CFAP20DC: variants seen among roughly 807,000 people sequenced by gnomAD.
The protein encoded by CFAP20DC is CFAP20 domain containing.
Under a neutral mutation model 101.7 loss-of-function variants are expected in CFAP20DC, and 84 were observed. That is an observed-to-expected ratio of 0.83 (90% CI 0.69 to 0.99). The LOEUF is 0.99. CFAP20DC is among the 50% of genes least tolerant of loss of function. The probability of loss-of-function intolerance (pLI) is 0.00; values close to 1 mark genes in which losing one functional copy is unlikely to be tolerated. For synonymous variants in CFAP20DC, 359 were observed against 351.2 expected (o/e 1.02, Z -0.25); for missense variants, 1,007 against 970.3 (o/e 1.04, Z -0.50).
chr3:59,027,917 T>C (rs527403981), intron 4 of CFAP20DC, among the ~76,000 whole-genome samples: 26 of 152,324 alleles, frequency 1.7e-4, no homozygotes, highest in Admixed American at 1.2e-3. Context: ...GTGAAACCAT[T>C]AGACACAGTT....
At chr3:59,032,354 T>A (rs1049350110) in intron 4 of CFAP20DC, among the ~76,000 whole-genome samples, 8 of 151,782 alleles carry the variant, frequency 5.3e-5, no homozygotes, top group African/African-American at 1.9e-4. Context: ...ACAGAACCAT[T>A]CACTCCCCGG....
intron 5 of CFAP20DC, among the ~76,000 whole-genome samples, chr3:58,919,010 T>A (rs908202152): frequency 2.0e-5 from 3 of 152,186 alleles, no homozygotes; most frequent in Non-Finnish European, 4.4e-5. Flanking sequence ...TCAATTAGTT[T>A]TGACCACATC....
chr3:59,039,491 G>T (rs771406967), intron 4 of CFAP20DC, 66 bp downstream of exon 4: 3 of 926,692 alleles, frequency 3.2e-6, no homozygotes, highest in African/African-American at 3.4e-5. Context: ...ATGATTGTTG[G>T]TACTGCTTCA....
intron 14 of CFAP20DC, among the ~76,000 whole-genome samples, chr3:58,826,350 G>A (rs1462317580): frequency 6.6e-6 from 1 of 152,030 alleles, no homozygotes; most frequent in Non-Finnish European, 1.5e-5. Flanking sequence ...TGGGCAGAAT[G>A]TGTAGGTTTG....
chr3:58,960,353 G>A (rs757069232), intron 4 of CFAP20DC, among the ~76,000 whole-genome samples: 26 of 151,886 alleles, frequency 1.7e-4, no homozygotes, highest in Non-Finnish European at 3.2e-4. Flanking sequence ...TTAGCCGGGC[G>A]TGGTGGTGCA....
intron 15 of CFAP20DC, among the ~76,000 whole-genome samples, chr3:58,804,901 A>G (rs888443445): frequency 2.0e-5 from 3 of 152,204 alleles, no homozygotes; most frequent in East Asian, 3.8e-4. Flanking sequence ...GATAGTGACA[A>G]TTCACCCTAC....
At chr3:58,752,525 C>T (rs1294346502) in intron 16 of CFAP20DC, among the ~76,000 whole-genome samples, 1 of 152,114 alleles carries the variant, frequency 6.6e-6, no homozygotes, top group Non-Finnish European at 1.5e-5. Flanking sequence ...CCTTGGGTGC[C>T]TTTGCTCAAG....
intron 15 of CFAP20DC, among the ~76,000 whole-genome samples, chr3:58,802,062 A>G (rs1009390900): frequency 1.3e-5 from 2 of 152,174 alleles, no homozygotes; most frequent in African/African-American, 4.8e-5. Flanking sequence ...AGCAAGTATA[A>G]TCATCATTTG....
At position 58,863,244 on chromosome 3, in the gene CFAP20DC, T is replaced by A. The variant is rs1364767089; in HGVS notation, c.1593+314A>T. ...CAGTATATTCTCAGTGTTTTACTGG[T>A]CTTGCTATCATAGCACTAAACTGCA... On this transcript the variant is annotated intron_variant, in intron 12 of 16. Transcript: ENST00000482387. This position sits in a 1 kb window ranked among gnomAD's most constrained non-coding sequence, Gnocchi z 5.9. The A allele has an allele frequency of 7.4e-7, 1 of 1,358,782 alleles. No homozygotes were observed. 84.2% of individuals were successfully genotyped at this position (1,358,782 alleles called of 1,614,324 possible). A position where few individuals can be genotyped will look rare whatever the true frequency, so the allele number is the denominator to read the frequency against.
intron 6 of CFAP20DC, among the ~76,000 whole-genome samples, chr3:58,910,191 G>A (rs778375303): frequency 2.0e-5 from 3 of 151,908 alleles, no homozygotes; most frequent in Non-Finnish European, 4.4e-5. Context: ...TACTTTTTTG[G>A]AGCAGCTTCT....
rs1294200187 is a variant in CFAP20DC at position 59,035,419 on chromosome 3, A to G, written c.278+4138T>C. On this transcript the variant is annotated intron_variant, in intron 4 of 16. Coordinates refer to ENST00000482387, the MANE Select transcript of CFAP20DC (RefSeq NM_001394063.1). ...GACTTCAGGAGCTAGTTTTTTGAAA[A>G]GATTAACAAAATAGATAGACCACTA... Among the ~76,000 whole-genome samples the G allele has an allele frequency of 2.6e-5, 4 of 152,124 alleles. No individual in the cohort carries two copies. In the East Asian group the frequency reaches 7.7e-4, roughly 29 times the overall value.
intron 3 of CFAP20DC, among the ~76,000 whole-genome samples, chr3:58,730,885 G>C (rs1401256910): frequency 5.9e-5 from 9 of 152,086 alleles, no homozygotes; most frequent in African/African-American, 7.2e-5. Context: ...CTCTGCTAGG[G>C]GATGTTGGGT....
chr3:58,934,722 G>A (rs1393113557), intron 5 of CFAP20DC, among the ~76,000 whole-genome samples: 2 of 152,078 alleles, frequency 1.3e-5, no homozygotes, highest in African/African-American at 2.4e-5. Context: ...AAATTCAACA[G>A]CCCTTCATGC....
chr3:58,716,912 G>A (rs1277189238), downstream of CFAP20DC, among the ~76,000 whole-genome samples: 1 of 151,866 alleles, frequency 6.6e-6, no homozygotes, highest in African/African-American at 2.4e-5. Flanking sequence ...TAGGCATTGT[G>A]CCTCTTTCTT....
At chr3:58,972,132 T>C (rs2091986098) in intron 4 of CFAP20DC, among the ~76,000 whole-genome samples, 1 of 152,126 alleles carries the variant, frequency 6.6e-6, no homozygotes, top group Non-Finnish European at 1.5e-5. Context: ...AGTTCCTTTA[T>C]AATCTGGGAT....
At chr3:59,011,412 A>C (rs1442990449) in intron 4 of CFAP20DC, among the ~76,000 whole-genome samples, 1 of 151,750 alleles carries the variant, frequency 6.6e-6, no homozygotes, top group Admixed American at 6.6e-5. Context: ...AAAAAAAAAA[A>C]GTCTGAAAGA....
At chr3:59,030,949 G>C (rs369908966) in intron 4 of CFAP20DC, among the ~76,000 whole-genome samples, 4 of 151,946 alleles carry the variant, frequency 2.6e-5, no homozygotes, top group African/African-American at 9.7e-5. Flanking sequence ...TCAGCCTCCC[G>C]AGTAGCTGGG....
chr3:58,990,767 G>A (rs2092912403), intron 4 of CFAP20DC, among the ~76,000 whole-genome samples: 1 of 151,830 alleles, frequency 6.6e-6, no homozygotes, highest in South Asian at 2.1e-4. Flanking sequence ...GTGTGTGTGT[G>A]TGTGTGTGTG....
Position 58,913,926 on chromosome 3 carries a change from A to T in CFAP20DC, c.394-62T>A. On this transcript the variant is annotated intron_variant, in intron 5 of 16. Transcript: ENST00000482387. This position sits in a 1 kb window ranked among gnomAD's most constrained non-coding sequence, Gnocchi z 4.4. Reference sequence around the variant, plus strand: ...TCATCAACACATAAATGAACAAACCATCTATATGTAGACATTCAAAGAGTT... The same window carrying T: ...TCATCAACACATAAATGAACAAACCTTCTATATGTAGACATTCAAAGAGTT... The T allele has an allele frequency of 6.5e-7, 1 of 1,543,922 alleles. No individual in the cohort carries two copies. The highest frequency in any genetic ancestry group is 1.1e-5 in the South Asian group (1 of 88,664).
Sources: gnomAD v4.1 joint callset for allele counts (sites outside exome capture counted in the v4.1 genomes callset) on GRCh38, gnomAD v4.1.1 for gene constraint, Gnocchi (gnomAD v3.1) non-coding constraint, MANE v1.5 for transcripts, NCBI Gene and HGNC (gene_info 2026-07-23, HGNC 2026-07-21) for gene names.